Variants in DRC8 observed in about 807,000 individuals in gnomAD.
The protein encoded by DRC8 is dynein regulatory complex protein 8.
At chr1:245,043,147 G>A in the DRC8 span, among the ~76,000 whole-genome samples, 1 of 152,170 alleles carries the variant, frequency 6.6e-6, no homozygotes, top group Non-Finnish European at 1.5e-5. Context: ...GAAATCGAAT[G>A]TTGACTGAGT....
chr1:245,051,317 A>G, the DRC8 span, among the ~76,000 whole-genome samples: 5 of 152,062 alleles, frequency 3.3e-5, no homozygotes, highest in East Asian at 9.6e-4. Context: ...GCTTGAGCCC[A>G]GGAGTTTGAG....
chr1:245,093,486 G>A, the DRC8 span, among the ~76,000 whole-genome samples: 10 of 152,048 alleles, frequency 6.6e-5, 2 homozygotes, highest in African/African-American at 2.4e-4. Context: ...TTCACTTAAG[G>A]TCAGGAGTAT....
the DRC8 span, among the ~76,000 whole-genome samples, chr1:245,069,019 T>G: frequency 7.9e-5 from 12 of 152,148 alleles, no homozygotes; most frequent in Non-Finnish European, 1.8e-4. Flanking sequence ...AACCAACGCT[T>G]TAAGAAAGAA....
At chr1:244,977,751 T>C in the DRC8 span, among the ~76,000 whole-genome samples, 1 of 152,304 alleles carries the variant, frequency 6.6e-6, no homozygotes, top group South Asian at 2.1e-4. Flanking sequence ...CTTAGAAATA[T>C]ATTCTGAAAA....
the DRC8 span, among the ~76,000 whole-genome samples, chr1:245,064,916 A>AT: frequency 2.6e-5 from 4 of 151,984 alleles, no homozygotes; most frequent in Non-Finnish European, 5.9e-5. Flanking sequence ...CACATATCTA[A>AT]TGTGTTAGGT....
the DRC8 span, among the ~76,000 whole-genome samples, chr1:245,079,084 C>A: frequency 6.6e-6 from 1 of 152,062 alleles, no homozygotes; most frequent in Admixed American, 6.5e-5. Flanking sequence ...AATATAAAAT[C>A]CTTTTATAAT....
chr1:245,037,595 T>C, the DRC8 span, among the ~76,000 whole-genome samples: 1 of 152,212 alleles, frequency 6.6e-6, no homozygotes, highest in African/African-American at 2.4e-5. Context: ...GCTGTTATTA[T>C]TTAGTATTGA....
At chr1:245,077,588 A>T in the DRC8 span, among the ~76,000 whole-genome samples, 15 of 152,196 alleles carry the variant, frequency 9.9e-5, no homozygotes, top group Admixed American at 1.3e-4. Flanking sequence ...ATGGCCAGCT[A>T]ATCCTCAGCA....
At chr1:245,081,262 C>T in the DRC8 span, among the ~76,000 whole-genome samples, 255 of 150,590 alleles carry the variant, frequency 1.7e-3, no homozygotes, top group African/African-American at 4.7e-3. Flanking sequence ...CCTGGGTTCA[C>T]GTGATTCTCC....
chr1:245,087,002 T>C, the DRC8 span: 5 of 581,962 alleles, frequency 8.6e-6, no homozygotes, highest in Non-Finnish European at 1.2e-5. Context: ...AAATGACGTG[T>C]TCTAGAGGTT....
the DRC8 span, among the ~76,000 whole-genome samples, chr1:245,120,072 T>TA: frequency 6.6e-6 from 1 of 152,192 alleles, no homozygotes; most frequent in Admixed American, 6.5e-5. Flanking sequence ...CTGAAAGATG[T>TA]AAAAAAAGAA....
At chr1:244,998,118 A>G in the DRC8 span, among the ~76,000 whole-genome samples, 1 of 151,910 alleles carries the variant, frequency 6.6e-6, no homozygotes, top group Non-Finnish European at 1.5e-5. Flanking sequence ...ACTGTAAGAC[A>G]CTCTGAAATC....
chr1:245,068,453 T>A, the DRC8 span, among the ~76,000 whole-genome samples: 1 of 152,150 alleles, frequency 6.6e-6, no homozygotes, highest in African/African-American at 2.4e-5. Flanking sequence ...TCGTATTCTT[T>A]TTTTTAGAGA....
chr1:245,035,880 AAG>A, the DRC8 span, among the ~76,000 whole-genome samples: 210 of 140,352 alleles, frequency 1.5e-3, 1 homozygote, highest in South Asian at 0.011. Context: ...AAAAAAAAAA[AAG>A]AAGAAGAAGA....
the DRC8 span, among the ~76,000 whole-genome samples, chr1:245,008,280 T>G: frequency 6.6e-6 from 1 of 152,206 alleles, no homozygotes. Context: ...TGAGGCTTGA[T>G]TATTAAAAAA....
chr1:244,970,115 G>T, the DRC8 span: 1 of 674,936 alleles, frequency 1.5e-6, no homozygotes, highest in Non-Finnish European at 2.7e-6. Context: ...ACCGTGTGAT[G>T]AAGCAACATG....
At chr1:244,969,791 A>C in the DRC8 span, 11 of 278,372 alleles carry the variant, frequency 4.0e-5, no homozygotes, top group East Asian at 1.7e-4. Flanking sequence ...TTTCTCTGGG[A>C]AAGGACGGTG....
chr1:245,047,635 CA>C, the DRC8 span, among the ~76,000 whole-genome samples: 772 of 103,884 alleles, frequency 7.4e-3, 5 homozygotes, highest in African/African-American at 0.027. Context: ...ACTCCATCTC[CA>C]AAAAAAAAAA....
the DRC8 span, among the ~76,000 whole-genome samples, chr1:245,121,362 G>A: frequency 6.6e-6 from 1 of 152,212 alleles, no homozygotes; most frequent in Non-Finnish European, 1.5e-5. Flanking sequence ...AGCTTCAGAT[G>A]CAGCTTGATC....
Sources: gnomAD v4.1 joint callset for allele counts (sites outside exome capture counted in the v4.1 genomes callset) on GRCh38, gnomAD v4.1.1 for gene constraint, MANE v1.5 for transcripts, NCBI Gene and HGNC (gene_info 2026-07-23, HGNC 2026-07-21) for gene names.